Variants in LRRIQ1 observed in about 807,000 individuals in gnomAD.
The protein encoded by LRRIQ1 is leucine rich repeats and IQ motif containing 1, also known as leucine-rich repeat- and IQ domain-containing protein 1.
A neutral mutation model predicts 211.9 loss-of-function variants in LRRIQ1; 210 were observed. The ratio of observed to expected loss-of-function variants is 0.99; its 90% CI spans 0.89 to 1.11. The LOEUF is 1.11. LRRIQ1 is among the 50% of genes most tolerant of loss of function. The pLI, the probability that LRRIQ1 is intolerant of heterozygous loss-of-function variation, is 0.00. For missense variants in LRRIQ1, 2,136 were observed against 1,939.5 expected (o/e 1.10, Z -1.90); for synonymous variants, 699 against 650.1 (o/e 1.08, Z -1.14).
At chr12:85,157,048 CA>C (rs1890589748) in intron 23 of LRRIQ1, among the ~76,000 whole-genome samples, 1 of 151,590 alleles carries the variant, frequency 6.6e-6, no homozygotes, top group African/African-American at 2.4e-5. Flanking sequence ...GGATATGAGT[CA>C]ATAATATTTT....
At chr12:85,054,310 T>C (rs868574489) in intron 7 of LRRIQ1, among the ~76,000 whole-genome samples, 8 of 151,712 alleles carry the variant, frequency 5.3e-5, no homozygotes, top group Non-Finnish European at 7.4e-5. Context: ...AAAGGAAAAA[T>C]AGTGTTGGAA....
intron 1 of LRRIQ1, among the ~76,000 whole-genome samples, chr12:85,253,873 T>G (rs11116760): frequency 1.3e-5 from 2 of 151,920 alleles, no homozygotes; most frequent in African/African-American, 4.8e-5. Flanking sequence ...GCTTTCTGCC[T>G]TCTATTTCTA....
chr12:85,231,145 CACAA>C (rs756390784), intron 25 of LRRIQ1, among the ~76,000 whole-genome samples: 2 of 151,896 alleles, frequency 1.3e-5, no homozygotes, highest in African/African-American at 4.8e-5. Flanking sequence ...GTATCAAACA[CACAA>C]ACAAAAAGCT....
At chr12:85,057,301 TA>T (rs1309364930) in intron 8 of LRRIQ1, 117 bp downstream of exon 8, 1 of 879,714 alleles carries the variant, frequency 1.1e-6, no homozygotes, top group African/African-American at 1.8e-5. Flanking sequence ...TCTTGTTTAA[TA>T]AAGTTATGAA....
At chr12:85,260,157 A>G (rs891779180) in intron 1 of LRRIQ1, among the ~76,000 whole-genome samples, 8 of 141,604 alleles carry the variant, frequency 5.6e-5, no homozygotes, top group African/African-American at 1.0e-4. Flanking sequence ...AAAAGCTTAT[A>G]TTAAGAATAA....
intron 24 of LRRIQ1, among the ~76,000 whole-genome samples, chr12:85,200,778 C>G (rs1015944995): frequency 6.6e-6 from 1 of 152,100 alleles, no homozygotes; most frequent in Non-Finnish European, 1.5e-5. Context: ...AACCTTGCAT[C>G]CCATGGATGA....
At chr12:85,066,645 T>C in intron 9 of LRRIQ1, 103 bp from the exon 10 acceptor site, 1 of 799,948 alleles carries the variant, frequency 1.3e-6, no homozygotes, top group Non-Finnish European at 1.8e-6. Context: ...CAGATATTAA[T>C]TTGGAGATCC....
At chr12:85,270,301 T>C in the LRRIQ1 span, among the ~76,000 whole-genome samples, 1 of 152,160 alleles carries the variant, frequency 6.6e-6, no homozygotes, top group Non-Finnish European at 1.5e-5. Flanking sequence ...TTTTAGGTTA[T>C]ACAGATTGTT....
intron 24 of LRRIQ1, among the ~76,000 whole-genome samples, chr12:85,161,955 C>A (rs1018289503): frequency 2.0e-5 from 3 of 151,852 alleles, no homozygotes; most frequent in Admixed American, 1.3e-4. Flanking sequence ...AGGAGAATGG[C>A]GTGAACCCGG....
chr12:85,191,141 G>C (rs1892491466), intron 24 of LRRIQ1, among the ~76,000 whole-genome samples: 2 of 151,888 alleles, frequency 1.3e-5, no homozygotes, highest in Admixed American at 1.3e-4. Flanking sequence ...TCTCTTAGTA[G>C]AGTGGTAAAA....
intron 24 of LRRIQ1, among the ~76,000 whole-genome samples, chr12:85,224,135 C>A (rs1266073130): frequency 7.7e-6 from 1 of 130,060 alleles, no homozygotes; most frequent in African/African-American, 3.9e-5. Context: ...ATGCAGACAG[C>A]AAACATATGA....
chr12:85,199,770 A>G (rs116299363), intron 24 of LRRIQ1, among the ~76,000 whole-genome samples: 3,063 of 152,226 alleles, frequency 0.02, 101 homozygotes, highest in African/African-American at 0.07. Context: ...CTCACTCACT[A>G]TCACAAGAAA....
chr12:85,135,023 A>G lies in LRRIQ1; in HGVS notation c.4210-2827A>G, dbSNP rs191872652. On this transcript the variant is annotated intron_variant, in intron 18 of 26. Coordinates refer to ENST00000393217, the MANE Select transcript of LRRIQ1 (RefSeq NM_001079910.2). ...ATAACAATTATTTTTCACTATCACCAAATATCATATCAGTATTACAAATTC... is the reference window on the plus strand; with the variant it reads ...ATAACAATTATTTTTCACTATCACCGAATATCATATCAGTATTACAAATTC... Among the ~76,000 whole-genome samples, 391 of 152,132 alleles carry G rather than the reference A, an allele frequency of 2.6e-3. 4 individuals carry two copies. The highest frequency in any genetic ancestry group is 9.2e-3 in the African/African-American group (384 of 41,526).
intron 26 of LRRIQ1, among the ~76,000 whole-genome samples, chr12:85,238,217 G>T (rs1331219419): frequency 6.6e-6 from 1 of 151,814 alleles, no homozygotes. Flanking sequence ...CCAAAGTGGG[G>T]CAGAGAGAGA....
intron 11 of LRRIQ1, among the ~76,000 whole-genome samples, chr12:85,094,772 T>A (rs1197038931): frequency 6.6e-6 from 1 of 152,154 alleles, no homozygotes; most frequent in Non-Finnish European, 1.5e-5. Context: ...CATTGTATTA[T>A]CTCTGATTTC....
At chr12:85,037,928 A>G (rs1244527369) in intron 1 of LRRIQ1, among the ~76,000 whole-genome samples, 2 of 151,938 alleles carry the variant, frequency 1.3e-5, no homozygotes, top group African/African-American at 4.8e-5. Context: ...ATATAAACAT[A>G]TAAATCAATA....
chr12:85,111,968 ACTCT>A (rs67500865), intron 15 of LRRIQ1, among the ~76,000 whole-genome samples: 6,848 of 149,604 alleles, frequency 0.046, 220 homozygotes, highest in Admixed American at 0.09. Flanking sequence ...ACACACACAC[ACTCT>A]CTCTCTCAAT....
intron 1 of LRRIQ1, among the ~76,000 whole-genome samples, chr12:85,262,447 T>C (rs989643612): frequency 1.3e-5 from 2 of 152,046 alleles, no homozygotes; most frequent in Non-Finnish European, 2.9e-5. Flanking sequence ...CTAGATCTAA[T>C]GTACTTTCCA....
In LRRIQ1 at chr12:85,218,235, C is replaced by A. The variant is rs796535244; in HGVS notation, c.4823-11282C>A. On this transcript the variant is annotated intron_variant, in intron 24 of 26. Transcript: ENST00000393217. ...ATTCTGGTAAGGAGTACTTCCTGGACTTACCCCCTAGACAATTTTTCTGGC... is the reference window on the plus strand; with the variant it reads ...ATTCTGGTAAGGAGTACTTCCTGGAATTACCCCCTAGACAATTTTTCTGGC... Among the ~76,000 whole-genome samples, 24 of 151,966 alleles carry A rather than the reference C, an allele frequency of 1.6e-4. 1 individual carries two copies. Among genetic ancestry groups the A allele is most frequent in the African/African-American group, 5.3e-4 (22 of 41,492 alleles).
Sources: allele counts gnomAD v4.1 joint callset (sites outside exome capture counted in the v4.1 genomes callset), GRCh38; gene constraint gnomAD v4.1.1; transcripts MANE v1.5; gene names NCBI Gene and HGNC (gene_info 2026-07-23, HGNC 2026-07-21).